RCAN3: variants seen among roughly 807,000 people sequenced by gnomAD.
The protein encoded by RCAN3 is calcipressin-3.
RCAN3 carries 19 observed loss-of-function variants against 21.9 expected under a neutral mutation model. That is an observed-to-expected ratio of 0.87 (90% confidence interval 0.61 to 1.27). The LOEUF is 1.27. Ranked by LOEUF, RCAN3 falls within the 50% of genes most tolerant of loss-of-function variation. The pLI is 0.00. For missense variants in RCAN3, 240 were observed against 300.1 expected, an observed-to-expected ratio of 0.80 and a Z score of 1.48; for synonymous variants, 114 against 112.3, an observed-to-expected ratio of 1.01 and a Z score of -0.09.
chr1:24,505,962 C>T (rs1647403244), intron 1 of RCAN3, among the ~76,000 whole-genome samples: 1 of 152,156 alleles, frequency 6.6e-6, no homozygotes, highest in African/African-American at 2.4e-5. Context: ...TGTCACAGGC[C>T]TGTTGTGGCA....
chr1:24,535,260 TTTGA>T lies in RCAN3; in HGVS notation c.713_716del (p.Asp238AlafsTer43), dbSNP rs757554364. The stretch of plus-strand genomic sequence containing the variant: ...CGCAGCGTTGAATGAGCCCCAGACC[TTTGA>T]TTGCGCGCTGTGAGGCCCTTGGTTG... On this transcript the variant is annotated frameshift_variant, in exon 5 of 5. Transcript: ENST00000374395. LOFTEE classifies it high-confidence loss of function. The T allele has an allele frequency of 1.5e-5, 24 of 1,549,646 alleles. No individual in the cohort carries two copies. Among genetic ancestry groups the T allele is most frequent in the Non-Finnish European group, 1.8e-5 (21 of 1,154,942 alleles).
chr1:24,505,153 G>A (rs9424375), intron 1 of RCAN3, among the ~76,000 whole-genome samples: 19,980 of 150,046 alleles, frequency 0.13, 2,125 homozygotes, highest in African/African-American at 0.28. Context: ...GTAGGGCTTC[G>A]TGATAGCCGT....
intron 2 of RCAN3, among the ~76,000 whole-genome samples, chr1:24,526,293 T>G (rs932356631): frequency 1.3e-5 from 2 of 152,128 alleles, no homozygotes; most frequent in Non-Finnish European, 2.9e-5. Context: ...GGTCTTGCAG[T>G]GTTGTCCAGG....
chr1:24,526,670 A>G (rs1332507303), intron 2 of RCAN3, among the ~76,000 whole-genome samples: 2 of 152,232 alleles, frequency 1.3e-5, no homozygotes, highest in Non-Finnish European at 2.9e-5. Flanking sequence ...ATTACAAAGT[A>G]CTAATATTTT....
chr1:24,508,125 G>T (rs1438057992), intron 1 of RCAN3, among the ~76,000 whole-genome samples: 2 of 152,004 alleles, frequency 1.3e-5, no homozygotes, highest in Non-Finnish European at 2.9e-5. Flanking sequence ...AAAAAAAAAA[G>T]AAAGAAAAAG....
In RCAN3 at chr1:24,531,347, G is replaced by A. The variant is rs777266872; in HGVS notation, c.325G>A (p.Glu109Lys). ...AAARARIELH[E>K]TDFNGQKLKL... ...AGCAAGAGCGCGAATAGAACTCCAC[G>A]AAACAGACTTCAATGGGCAGAAGCT... is the stretch of plus-strand genomic sequence containing the variant. The change falls in exon 3 of 5, where the codon GAA becomes AAA. Residue 109 changes from glutamate (E) to lysine (K), a missense_variant. Coordinates refer to ENST00000374395, the MANE Select transcript of RCAN3 (RefSeq NM_013441.4). The A allele has an allele frequency of 8.1e-6, 13 of 1,613,522 alleles. No homozygotes were observed. Among genetic ancestry groups the A allele is most frequent in the East Asian group, 2.2e-5 (1 of 44,890 alleles).
At chr1:24,515,882 T>C (rs914560816) in intron 2 of RCAN3, among the ~76,000 whole-genome samples, 1 of 152,132 alleles carries the variant, frequency 6.6e-6, no homozygotes, top group Non-Finnish European at 1.5e-5. Context: ...TGGTGGCTCA[T>C]GCTTGTAGTC....
intron 2 of RCAN3, 96 bp downstream of exon 2, chr1:24,514,663 A>G (rs1343863992): frequency 2.6e-5 from 33 of 1,250,534 alleles, no homozygotes; most frequent in East Asian, 7.4e-5. Context: ...CAAATTAAGT[A>G]TAGAAAGTGT....
chr1:24,516,813 C>T (rs1480601548), intron 2 of RCAN3, among the ~76,000 whole-genome samples: 1 of 152,032 alleles, frequency 6.6e-6, no homozygotes, highest in Non-Finnish European at 1.5e-5. Context: ...CCACCCCAAG[C>T]GGAGCAGGGA....
intron 2 of RCAN3, among the ~76,000 whole-genome samples, chr1:24,528,873 C>G (rs1649503171): frequency 6.6e-6 from 1 of 152,106 alleles, no homozygotes; most frequent in South Asian, 2.1e-4. Flanking sequence ...TAATACTGTA[C>G]CAAACAGCTG....
intron 1 of RCAN3, among the ~76,000 whole-genome samples, chr1:24,503,694 T>C (rs1313537889): frequency 6.6e-6 from 1 of 152,246 alleles, no homozygotes; most frequent in Non-Finnish European, 1.5e-5. Flanking sequence ...GTGCAAAATC[T>C]GATCATCTCC....
chr1:24,532,345 G>A (rs1410370877), intron 3 of RCAN3, among the ~76,000 whole-genome samples: 2 of 151,872 alleles, frequency 1.3e-5, no homozygotes, highest in African/African-American at 2.4e-5. Flanking sequence ...TCCCGCCTCC[G>A]CCTCCCAAGT....
intron 4 of RCAN3, 96 bp from the exon 5 acceptor site, chr1:24,534,997 T>A: frequency 8.6e-7 from 1 of 1,157,648 alleles, no homozygotes; most frequent in South Asian, 1.5e-5. Context: ...GAATCACCCA[T>A]TAAAATAGGA....
chr1:24,519,953 G>A (rs1648660001), intron 2 of RCAN3, among the ~76,000 whole-genome samples: 1 of 152,108 alleles, frequency 6.6e-6, no homozygotes, highest in Admixed American at 6.5e-5. Context: ...CTTTGATTCT[G>A]TACCTTCCAT....
chr1:24,527,992 G>A (rs952611665), intron 2 of RCAN3, among the ~76,000 whole-genome samples: 2 of 151,918 alleles, frequency 1.3e-5, no homozygotes, highest in East Asian at 1.9e-4. Flanking sequence ...AGATATACAC[G>A]TACTGCAAAT....
rs1271224594 is a variant in RCAN3 at position 24,538,500 on chromosome 1, GT to G, written c.*3225del. 5 of 151,412 alleles carry G rather than the reference GT, an allele frequency of 3.3e-5. No individual in the cohort carries two copies. The highest frequency in any genetic ancestry group is 7.4e-5 in the Non-Finnish European group (5 of 67,948). The allele number at this position is 151,412 out of a possible 1,614,324, so 9.4% of individuals were successfully genotyped here. On this transcript the variant is annotated 3_prime_UTR_variant, in exon 5 of 5. Coordinates refer to ENST00000374395, the MANE Select transcript of RCAN3 (RefSeq NM_013441.4). Reference sequence around the variant, plus strand: ...GCTCACTGCAAGCTCCGCCTCCCGGGTTCACGCCATTCTCCTGCCTCAGCCT... The same window carrying G: ...GCTCACTGCAAGCTCCGCCTCCCGGGTCACGCCATTCTCCTGCCTCAGCCT...
chr1:24,523,968 G>A (rs952746752), intron 2 of RCAN3, among the ~76,000 whole-genome samples: 8 of 152,140 alleles, frequency 5.3e-5, no homozygotes, highest in Non-Finnish European at 8.8e-5. Flanking sequence ...GCACAGGCCT[G>A]TAATCCCAGC....
chr1:24,522,701 A>G (rs1346014120), intron 2 of RCAN3, among the ~76,000 whole-genome samples: 2 of 152,192 alleles, frequency 1.3e-5, no homozygotes, highest in African/African-American at 2.4e-5. Context: ...TGCTTCTCCA[A>G]GGAGCCCAGG....
At chr1:24,506,358 CATT>C (rs1258317598) in intron 1 of RCAN3, among the ~76,000 whole-genome samples, 1 of 152,040 alleles carries the variant, frequency 6.6e-6, no homozygotes, top group Non-Finnish European at 1.5e-5. Flanking sequence ...ATAGCTAAGA[CATT>C]ATTAGGATAA....
Sources: gnomAD v4.1 joint callset for allele counts (sites outside exome capture counted in the v4.1 genomes callset) on GRCh38, gnomAD v4.1.1 for gene constraint, MANE v1.5 for transcripts, NCBI Gene and HGNC (gene_info 2026-07-23, HGNC 2026-07-21) for gene names.